MELK: variants seen among roughly 807,000 people sequenced by gnomAD.
MELK encodes maternal embryonic leucine zipper kinase, also known as pEg3 kinase.
In MELK, 81 loss-of-function variants were observed where a neutral mutation model predicts 85.0. The ratio of observed to expected loss-of-function variants is 0.95; its 90% CI spans 0.80 to 1.15. The LOEUF is 1.15. Ranked by LOEUF, MELK falls within the 50% of genes most tolerant of loss-of-function variation. The pLI, the probability that MELK is intolerant of heterozygous loss-of-function variation, is 0.00. For missense variants in MELK, 754 were observed against 777.5 expected, an observed-to-expected ratio of 0.97 and a Z score of 0.36; for synonymous variants, 252 against 265.0, an observed-to-expected ratio of 0.95 and a Z score of 0.48.
intron 12 of MELK, among the ~76,000 whole-genome samples, chr9:36,653,139 T>A (rs1258492478): frequency 1.3e-5 from 2 of 152,196 alleles, no homozygotes; most frequent in African/African-American, 4.8e-5. Context: ...TCATGGACTT[T>A]AAAAAATTTT....
rs145000712 is a variant in MELK at position 36,665,644 on chromosome 9, A to G, written c.1408+63A>G. On this transcript the variant is annotated intron_variant, in intron 14 of 17. Coordinates refer to ENST00000298048, the MANE Select transcript of MELK (RefSeq NM_014791.4). ...TTTTCTTACCATGTTAAGTAAACAT[A>G]TAGCAGGTCAGAAATGACTAGCATT... 5.4e-6 allele frequency: 7 copies of G among 1,285,058 alleles called. No individual in the cohort carries two copies. In the East Asian group the frequency reaches 9.5e-5, roughly 18 times the overall value. The allele number at this position is 1,285,058 out of a possible 1,614,324, so 79.6% of individuals were successfully genotyped here.
At position 36,669,361 on chromosome 9, in the gene MELK, C is replaced by T. The variant is rs1288503990; in HGVS notation, c.1460C>T (p.Thr487Ile). 6 of 1,608,084 alleles carry T rather than the reference C, an allele frequency of 3.7e-6. No individual in the cohort carries two copies. The South Asian group carries it at 6.7e-5, about 18-fold the overall frequency. The change falls in exon 15 of 18, where the codon ACA becomes ATA. Residue 487 changes from threonine to isoleucine, a missense_variant. By Grantham distance (89) the Thr-to-Ile change is moderately conservative. Transcript: ENST00000298048. ...ETPIKIPVNS[T>I]GTDKLMTGVI... ...CCAATTAAAATACCAGTAAATTCAA[C>T]AGGAACAGACAAGTTAATGACAGGT... is the stretch of plus-strand genomic sequence containing the variant.
At chr9:36,601,826 G>A (rs10972990) in intron 7 of MELK, among the ~76,000 whole-genome samples, 14,852 of 152,180 alleles carry the variant, frequency 0.098, 773 homozygotes, top group Middle Eastern at 0.15. Context: ...TACAATATTT[G>A]TCTTTTTGTG....
chr9:36,673,785 C>G (rs1281136097), intron 16 of MELK, among the ~76,000 whole-genome samples: 1 of 152,158 alleles, frequency 6.6e-6, no homozygotes, highest in Non-Finnish European at 1.5e-5. Context: ...TCTGTGAAAC[C>G]ATTGCCACAA....
chr9:36,639,653 T>C (rs926424235), intron 10 of MELK, among the ~76,000 whole-genome samples: 2 of 152,220 alleles, frequency 1.3e-5, no homozygotes, highest in Non-Finnish European at 2.9e-5. Flanking sequence ...TGATCCTCTT[T>C]GGAAGACACA....
At chr9:36,643,237 G>C (rs1376391827) in intron 11 of MELK, among the ~76,000 whole-genome samples, 154 bp downstream of exon 11, 2 of 152,110 alleles carry the variant, frequency 1.3e-5, no homozygotes, top group Non-Finnish European at 2.9e-5. Flanking sequence ...ACAAAAATTA[G>C]CCAGGTGTGG....
chr9:36,658,996 C>T (rs1178304961), intron 13 of MELK, among the ~76,000 whole-genome samples: 1 of 151,964 alleles, frequency 6.6e-6, no homozygotes, highest in Non-Finnish European at 1.5e-5. Flanking sequence ...ATTCTCCTGC[C>T]TCAGCTTCCC....
chr9:36,617,523 T>G (rs1343432358), intron 8 of MELK, among the ~76,000 whole-genome samples: 1 of 152,074 alleles, frequency 6.6e-6, no homozygotes, highest in East Asian at 1.9e-4. Context: ...GATAAGGTCT[T>G]GCTATATTGC....
At chr9:36,582,463 T>A (rs1822353427) in intron 2 of MELK, among the ~76,000 whole-genome samples, 1 of 152,092 alleles carries the variant, frequency 6.6e-6, no homozygotes, top group Non-Finnish European at 1.5e-5. Flanking sequence ...CTAGAGATGA[T>A]GGTGGTGTGG....
chr9:36,581,235 A>G (rs1047840897), intron 1 of MELK, among the ~76,000 whole-genome samples: 1 of 151,804 alleles, frequency 6.6e-6, no homozygotes, highest in East Asian at 1.9e-4. Flanking sequence ...TGGTCTTGCT[A>G]TGTTGCCCAG....
Position 36,666,342 on chromosome 9 carries a change from ACT to A in MELK, c.1408+766_1408+767del, listed in dbSNP as rs1243638865. On this transcript the variant is annotated intron_variant, in intron 14 of 17. Transcript: ENST00000298048. ...AGTGGTAAGTGTCATGACAGTAGAG[ACT>A]CTCTGCCTTGTTTATTGCAGCATGG... is the stretch of plus-strand genomic sequence containing the variant. 8.6e-5 allele frequency among the ~76,000 whole-genome samples: 13 copies of A among 151,734 alleles called. 1 individual carries two copies. The highest frequency in any genetic ancestry group is 3.1e-4 in the African/African-American group (13 of 41,280).
At position 36,589,593 on chromosome 9, in the gene MELK, C is replaced by G. The variant is rs772803585; in HGVS notation, c.202C>G (p.His68Asp). ...IEALKNLRHQ[H>D]ICQLYHVLET... ...GGCCTTGAAGAACCTGAGACATCAG[C>G]ATATATGTCAACTCTACCATGTGCT... Residue 68 changes from histidine to aspartate, a missense_variant, in exon 4 of 18, where the codon CAT becomes GAT. Physicochemically the swap from His to Asp is moderately conservative, Grantham distance 81. Coordinates refer to ENST00000298048, the MANE Select transcript of MELK (RefSeq NM_014791.4). 1 of 1,614,100 alleles carries G rather than the reference C, an allele frequency of 6.2e-7. No homozygotes were observed. Among genetic ancestry groups the G allele is most frequent in the South Asian group, 1.1e-5 (1 of 91,080 alleles).
At chr9:36,599,564 C>A in intron 7 of MELK, 78 bp downstream of exon 7, 5 of 962,768 alleles carry the variant, frequency 5.2e-6, no homozygotes, top group Non-Finnish European at 6.5e-6. Context: ...AGGCACTGTG[C>A]GTTGGGGGTA....
At chr9:36,646,563 A>G (rs1415136942) in intron 11 of MELK, among the ~76,000 whole-genome samples, 2 of 152,210 alleles carry the variant, frequency 1.3e-5, no homozygotes, top group Non-Finnish European at 1.5e-5. Context: ...GAGATTCCCA[A>G]CAGTGCTTTC....
At chr9:36,583,961 G>T (rs1822544600) in intron 3 of MELK, among the ~76,000 whole-genome samples, 1 of 152,158 alleles carries the variant, frequency 6.6e-6, no homozygotes, top group Non-Finnish European at 1.5e-5. Context: ...GTCTGTAGGT[G>T]TTTCTGGATA....
At chr9:36,604,368 T>A (rs1825265557) in intron 7 of MELK, among the ~76,000 whole-genome samples, 1 of 133,240 alleles carries the variant, frequency 7.5e-6, no homozygotes, top group Admixed American at 9.0e-5. Flanking sequence ...AACCTCTGCC[T>A]CCCGGGTTCA....
intron 3 of MELK, among the ~76,000 whole-genome samples, chr9:36,584,623 G>A (rs1165961338): frequency 4.0e-5 from 6 of 151,128 alleles, no homozygotes; most frequent in Non-Finnish European, 8.8e-5. Flanking sequence ...GTGAGGCACC[G>A]CGCCCGGCCC....
chr9:36,655,575 G>A (rs1463460350), intron 12 of MELK, among the ~76,000 whole-genome samples: 8 of 152,088 alleles, frequency 5.3e-5, no homozygotes, highest in Non-Finnish European at 1.0e-4. Flanking sequence ...TTAATGAGGA[G>A]CCATTGATTT....
chr9:36,676,736 A>G (rs181871849), intron 17 of MELK, among the ~76,000 whole-genome samples: 1 of 152,322 alleles, frequency 6.6e-6, no homozygotes, highest in East Asian at 1.9e-4. Flanking sequence ...TATGAAAGAC[A>G]AGTTTCTGAC....
Sources: allele counts gnomAD v4.1 joint callset (sites outside exome capture counted in the v4.1 genomes callset), GRCh38; gene constraint gnomAD v4.1.1; transcripts MANE v1.5; gene names NCBI Gene and HGNC (gene_info 2026-07-23, HGNC 2026-07-21).